The following ABTB2 variants were observed in gnomAD, a reference collection of about 807,000 sequenced individuals.
The protein encoded by ABTB2 is ankyrin repeat and BTB domain containing 2, also known as ankyrin repeat and BTB/POZ domain-containing protein 2.
A neutral mutation model predicts 104.1 loss-of-function variants in ABTB2; 56 were observed. The observed-to-expected ratio is 0.54, with a 90% confidence interval of 0.43 to 0.67. ABTB2 has a LOEUF of 0.67. Ranked by LOEUF, ABTB2 falls within the 30% of genes least tolerant of loss-of-function variation. The pLI is 0.00. For missense variants in ABTB2, 1,279 were observed against 1,407.7 expected (o/e 0.91, Z 1.46); for synonymous variants, 606 against 608.2 (o/e 1.00, Z 0.05).
rs901063949 is a variant in ABTB2, at chr11:34,160,808, GTGTC to G, written c.2397+91_2397+94del. 1.8e-5 allele frequency: 25 copies of G among 1,368,460 alleles called. No homozygotes were observed. In the South Asian group the frequency reaches 2.2e-4, roughly 12 times the overall value. 84.8% of individuals were successfully genotyped at this position (1,368,460 alleles called of 1,614,324 possible). On this transcript the variant is annotated intron_variant, in intron 11 of 16. Transcript: ENST00000435224. ...GTGTGCGTTGGGTGAGGGGGTCCCT[GTGTC>G]TGTCCACGTGTCTGCCTGTGTGTCC... is the stretch of plus-strand genomic sequence containing the variant.
intron 1 of ABTB2, among the ~76,000 whole-genome samples, chr11:34,244,264 G>A (rs564841241): frequency 1.3e-5 from 2 of 152,174 alleles, no homozygotes; most frequent in South Asian, 4.1e-4. Flanking sequence ...AAACACTTAG[G>A]AGATAAGAAG....
chr11:34,347,206 C>T (rs1331301579), intron 1 of ABTB2, among the ~76,000 whole-genome samples: 5 of 152,100 alleles, frequency 3.3e-5, no homozygotes, highest in South Asian at 2.1e-4. Flanking sequence ...GAGGCCACGG[C>T]GGGCAGATCG....
At position 34,151,000 on chromosome 11, in the gene ABTB2, G is replaced by GTGTT. The variant is rs1852528910; in HGVS notation, c.*1383_*1386dup. On this transcript the variant is annotated 3_prime_UTR_variant, in exon 17 of 17. Coordinates refer to ENST00000435224, the MANE Select transcript of ABTB2 (RefSeq NM_145804.3). ...GTGAGGCCAAGGTCATTGTTAATGA[G>GTGTT]TGTTTATTGTTAATAAAACCATAGT... The GTGTT allele has an allele frequency of 2.6e-5, 4 of 152,888 alleles. No individual in the cohort carries two copies. Among genetic ancestry groups the GTGTT allele is most frequent in the South Asian group, 4.1e-4 (2 of 4,842 alleles). 9.5% of individuals were successfully genotyped at this position (152,888 alleles called of 1,614,324 possible). A position where few individuals can be genotyped will look rare whatever the true frequency, so the allele number is the denominator to read the frequency against.
At chr11:34,204,067 C>G (rs956603128) in intron 2 of ABTB2, among the ~76,000 whole-genome samples, 4 of 152,200 alleles carry the variant, frequency 2.6e-5, no homozygotes, top group Non-Finnish European at 4.4e-5. Context: ...GGAGATGCCA[C>G]CTGGCCACAC....
intron 1 of ABTB2, among the ~76,000 whole-genome samples, chr11:34,325,406 T>C (rs1243300842): frequency 6.6e-6 from 1 of 152,224 alleles, no homozygotes; most frequent in Non-Finnish European, 1.5e-5. Flanking sequence ...AAAGTTCTGC[T>C]ATCTGCTGCC....
chr11:34,260,215 C>T (rs1174555062), intron 1 of ABTB2, among the ~76,000 whole-genome samples: 2 of 152,208 alleles, frequency 1.3e-5, no homozygotes, highest in Non-Finnish European at 2.9e-5. Context: ...ACCCACCGTT[C>T]AGCGCTTGGA....
chr11:34,223,035 C>T (rs1428323297), intron 1 of ABTB2, among the ~76,000 whole-genome samples: 1 of 152,118 alleles, frequency 6.6e-6, no homozygotes, highest in Non-Finnish European at 1.5e-5. Flanking sequence ...TGGGCTTTGA[C>T]CCAAAGCCCC....
intron 1 of ABTB2, among the ~76,000 whole-genome samples, chr11:34,331,303 G>A (rs2755146): frequency 0.14 from 20,971 of 152,166 alleles, 1,673 homozygotes; most frequent in Middle Eastern, 0.25. Context: ...ATTGCTTAAC[G>A]CGGAAAAAAT....
At chr11:34,200,685 G>C (rs561842811) in intron 2 of ABTB2, among the ~76,000 whole-genome samples, 48 of 152,250 alleles carry the variant, frequency 3.2e-4, no homozygotes, top group African/African-American at 9.6e-4. Flanking sequence ...AACTTTTTCA[G>C]CCACCCTGTG....
chr11:34,163,340 G>A lies in ABTB2; in HGVS notation c.1989-535C>T, dbSNP rs560885835. Among the ~76,000 whole-genome samples, 8 of 152,304 alleles carry A rather than the reference G, an allele frequency of 5.3e-5. No homozygotes were observed. The South Asian group carries it at 1.2e-3, about 24-fold the overall frequency. On this transcript the variant is annotated intron_variant, in intron 9 of 16. Coordinates refer to ENST00000435224, the MANE Select transcript of ABTB2 (RefSeq NM_145804.3). ...ATGTTGATAAGGATGAACTGAAGAC[G>A]GATGTCATGTAGAATGTATTCATAT...
At chr11:34,308,648 T>C (rs1383731453) in intron 1 of ABTB2, among the ~76,000 whole-genome samples, 1 of 151,830 alleles carries the variant, frequency 6.6e-6, no homozygotes, top group Non-Finnish European at 1.5e-5. Flanking sequence ...GGCGGGTGGA[T>C]CACCTGAGGT....
At chr11:34,354,253 AATCC>A (rs2133131352) in intron 1 of ABTB2, among the ~76,000 whole-genome samples, 1 of 152,168 alleles carries the variant, frequency 6.6e-6, no homozygotes, top group East Asian at 1.9e-4. Context: ...TGCCACAGAG[AATCC>A]TGCTCTCTTG....
At chr11:34,246,310 A>G (rs1853982267) in intron 1 of ABTB2, among the ~76,000 whole-genome samples, 1 of 152,108 alleles carries the variant, frequency 6.6e-6, no homozygotes, top group Non-Finnish European at 1.5e-5. Context: ...TTTTAAAATG[A>G]CAAATCTTGG....
intron 1 of ABTB2, among the ~76,000 whole-genome samples, chr11:34,343,221 C>A (rs1757825775): frequency 6.6e-6 from 1 of 152,156 alleles, no homozygotes; most frequent in South Asian, 2.1e-4. Flanking sequence ...CTTTGGTGAT[C>A]CCTCTAGATG....
At chr11:34,260,060 C>T (rs914668606) in intron 1 of ABTB2, among the ~76,000 whole-genome samples, 1 of 152,134 alleles carries the variant, frequency 6.6e-6, no homozygotes, top group South Asian at 2.1e-4. Flanking sequence ...CTGCCTGCCT[C>T]GGCCTCTCAA....
chr11:34,287,739 CT>C (rs568733902), intron 1 of ABTB2, among the ~76,000 whole-genome samples: 69 of 152,316 alleles, frequency 4.5e-4, no homozygotes, highest in Admixed American at 7.2e-4. Context: ...GGGTCCCCTT[CT>C]ATTTTACCTT....
Position 34,154,144 on chromosome 11 carries a change from C to T in ABTB2, c.2880+121G>A. ...AACCCTCCCTCAGCCTCTACACTGC[C>T]CTCAGAAGCAGCCTGGTCACCTGCA... is the stretch of plus-strand genomic sequence containing the variant. On this transcript the variant is annotated intron_variant, in intron 16 of 16. Transcript: ENST00000435224. This position sits in a 1 kb window ranked among gnomAD's most constrained non-coding sequence, Gnocchi z 4.9. 2.7e-6 allele frequency: 2 copies of T among 738,742 alleles called. No homozygotes were observed. Among genetic ancestry groups the T allele is most frequent in the Non-Finnish European group, 4.7e-6 (2 of 427,592 alleles). 45.8% of individuals were successfully genotyped at this position (738,742 alleles called of 1,614,324 possible). A position where few individuals can be genotyped will look rare whatever the true frequency, so the allele number is the denominator to read the frequency against.
In ABTB2 at chr11:34,173,167, G is replaced by A; in HGVS notation, c.1385C>T (p.Pro462Leu). ...CCCTGGTTCATACTTGAGCTGCCGA[G>A]GTTCACAGTCCAGACCAGGCAGCAG... is the stretch of plus-strand genomic sequence containing the variant. ...RLLLPGLDCE[P>L]RQLKPEHCFS... The change falls in exon 4 of 17, where the codon CCT becomes CTT. Residue 462 changes from proline (P) to leucine (L), a missense_variant. Transcript: ENST00000435224. 1.2e-6 allele frequency: 2 copies of A among 1,613,824 alleles called. No homozygotes were observed. The highest frequency in any genetic ancestry group is 1.7e-6 in the Non-Finnish European group (2 of 1,179,932).
intron 3 of ABTB2, among the ~76,000 whole-genome samples, chr11:34,184,494 C>A (rs545642173): frequency 6.6e-6 from 1 of 152,266 alleles, no homozygotes; most frequent in East Asian, 1.9e-4. Context: ...AGGAATCAGG[C>A]CTGGTTCCAG....
Sources: allele counts gnomAD v4.1 joint callset (sites outside exome capture counted in the v4.1 genomes callset), GRCh38; gene constraint gnomAD v4.1.1; non-coding constraint Gnocchi (gnomAD v3.1); transcripts MANE v1.5; gene names NCBI Gene and HGNC (gene_info 2026-07-23, HGNC 2026-07-21).